The following PAX2 variants were observed in gnomAD, a reference collection of about 807,000 sequenced individuals.
PAX2 encodes the protein paired box 2, also known as paired box protein Pax-2.
PAX2 carries 9 observed loss-of-function variants against 41.7 expected under a neutral mutation model. The ratio of observed to expected loss-of-function variants is 0.22; its 90% CI spans 0.13 to 0.38. The LOEUF is 0.38. PAX2 is among the 10% of genes least tolerant of loss of function. The probability of loss-of-function intolerance (pLI) is 1.00; values close to 1 mark genes in which losing one functional copy is unlikely to be tolerated. For synonymous variants in PAX2, 221 were observed against 212.7 expected (o/e 1.04, Z -0.34); for missense variants, 418 against 531.6 (o/e 0.79, Z 2.10).
intron 3 of PAX2, among the ~76,000 whole-genome samples, chr10:100,770,222 T>C (rs879580783): frequency 6.6e-6 from 1 of 152,132 alleles, no homozygotes; most frequent in Non-Finnish European, 1.5e-5. Context: ...GGGACAGGGT[T>C]GGGGGATGGA....
At chr10:100,812,989 A>G (rs1171319467) in intron 7 of PAX2, among the ~76,000 whole-genome samples, 1 of 152,260 alleles carries the variant, frequency 6.6e-6, no homozygotes, top group Non-Finnish European at 1.5e-5. Flanking sequence ...TAAGTCACAC[A>G]TAAAATACAC....
At position 100,827,786 on chromosome 10, in the gene PAX2, C is replaced by T. The variant is rs1848636498; in HGVS notation, c.*167C>T. The T allele has an allele frequency of 2.0e-6, 2 of 1,023,960 alleles. No homozygotes were observed. The highest frequency in any genetic ancestry group is 3.2e-5 in the African/African-American group (2 of 63,080). 63.4% of individuals were successfully genotyped at this position (1,023,960 alleles called of 1,614,324 possible). A position where few individuals can be genotyped will look rare whatever the true frequency, so the allele number is the denominator to read the frequency against. Reference sequence around the variant, plus strand: ...CCCCCGCAACCCTTCACATCACCCCCCTCGAAGGTCGGACAGGACGGGTGG... The same window carrying T: ...CCCCCGCAACCCTTCACATCACCCCTCTCGAAGGTCGGACAGGACGGGTGG... On this transcript the variant is annotated 3_prime_UTR_variant, in exon 10 of 10. Transcript: ENST00000355243. The surrounding 1 kb of genome is among the most constrained non-coding windows in gnomAD (Gnocchi z 8.5).
Position 100,827,514 on chromosome 10 carries a change from G to T in PAX2, c.1109-29G>T, listed in dbSNP as rs1848617501. The T allele has an allele frequency of 6.2e-7, 1 of 1,609,572 alleles. No individual in the cohort carries two copies. Among genetic ancestry groups the T allele is most frequent in the Non-Finnish European group, 8.5e-7 (1 of 1,175,890 alleles). On this transcript the variant is annotated intron_variant, in intron 9 of 9. Coordinates refer to ENST00000355243, the MANE Select transcript of PAX2 (RefSeq NM_000278.5). The surrounding 1 kb of genome is among the most constrained non-coding windows in gnomAD (Gnocchi z 8.5). ...GTTCTCCTGTTTGTCCTCTCACCCA[G>T]CCCATTCTTCTCCTGTGTTAACTTC...
intron 7 of PAX2, among the ~76,000 whole-genome samples, chr10:100,823,167 G>C (rs1455804076): frequency 6.6e-6 from 1 of 152,178 alleles, no homozygotes; most frequent in African/African-American, 2.4e-5. Context: ...GAGGAAGAAG[G>C]CTATGTCAAG....
At chr10:100,765,776 C>T (rs1291250334) in intron 3 of PAX2, among the ~76,000 whole-genome samples, 1 of 139,582 alleles carries the variant, frequency 7.2e-6, no homozygotes, top group Non-Finnish European at 1.5e-5. Flanking sequence ...TTGCACTTCT[C>T]TGCTTAAAAC....
intron 3 of PAX2, among the ~76,000 whole-genome samples, chr10:100,765,699 C>G (rs1262730550): frequency 6.6e-6 from 1 of 152,140 alleles, no homozygotes; most frequent in Non-Finnish European, 1.5e-5. Context: ...CAATCCCCAG[C>G]CCCTGCCACT....
upstream of PAX2, among the ~76,000 whole-genome samples, chr10:100,742,684 G>A (rs1476053915): frequency 6.6e-6 from 1 of 151,992 alleles, no homozygotes; most frequent in Non-Finnish European, 1.5e-5. Context: ...CCCTAGGTTG[G>A]GGGGTGGAAG....
At chr10:100,788,958 G>A (rs146412939) in intron 5 of PAX2, among the ~76,000 whole-genome samples, 5 of 152,050 alleles carry the variant, frequency 3.3e-5, no homozygotes, top group Admixed American at 1.3e-4. Flanking sequence ...GGGAGAAGGA[G>A]TGTGCTCCCA....
rs777775098 is a variant in PAX2, at chr10:100,824,692, G to A, written c.964G>A (p.Val322Met). ...STTLPGYPPH[V>M]PPTGQGSYPT... is the part of the protein sequence containing the mutation. ...CACTCTGCCTGGTTACCCCCCTCACGTGCCCCCCACTGGCCAGGGAAGCTA... is the reference window on the plus strand; with the variant it reads ...CACTCTGCCTGGTTACCCCCCTCACATGCCCCCCACTGGCCAGGGAAGCTA... Residue 322 changes from valine (V) to methionine (M), a missense_variant, in exon 8 of 10, where the codon GTG becomes ATG. Coordinates refer to ENST00000355243, the MANE Select transcript of PAX2 (RefSeq NM_000278.5). This position sits in a 1 kb window ranked among gnomAD's most constrained non-coding sequence, Gnocchi z 6.6. 1.1e-5 allele frequency: 18 copies of A among 1,611,116 alleles called. No homozygotes were observed. The Admixed American group carries it at 1.3e-4, about 12-fold the overall frequency.
chr10:100,827,489 G>A lies in PAX2; in HGVS notation c.1109-54G>A. ...TTTCTGTGCTTTTCTTTCCTTTTTTGTTCTCCTGTTTGTCCTCTCACCCAG... is the reference window on the plus strand; with the variant it reads ...TTTCTGTGCTTTTCTTTCCTTTTTTATTCTCCTGTTTGTCCTCTCACCCAG... On this transcript the variant is annotated intron_variant, in intron 9 of 9. Coordinates refer to ENST00000355243, the MANE Select transcript of PAX2 (RefSeq NM_000278.5). The surrounding 1 kb of genome is among the most constrained non-coding windows in gnomAD (Gnocchi z 8.5). 1.3e-6 allele frequency: 2 copies of A among 1,566,208 alleles called. No homozygotes were observed. The highest frequency in any genetic ancestry group is 8.8e-7 in the Non-Finnish European group (1 of 1,136,772).
rs892994613 is a variant in PAX2 at position 100,829,715 on chromosome 10, G to GGGGCGGCGA, written c.*2111_*2119dup. 8 of 202,314 alleles carry GGGGCGGCGA rather than the reference G, an allele frequency of 4.0e-5. No individual in the cohort carries two copies. In the South Asian group the frequency reaches 7.6e-4, roughly 19 times the overall value. 12.5% of individuals were successfully genotyped at this position (202,314 alleles called of 1,614,324 possible). A position where few individuals can be genotyped will look rare whatever the true frequency, so the allele number is the denominator to read the frequency against. ...CCAGCCAGGCTCCAGTGGCCCGAAC[G>GGGGCGGCGA]GGGCGGCGAGGGCGGCGAGGGCGCC... On this transcript the variant is annotated 3_prime_UTR_variant, in exon 10 of 10. Transcript: ENST00000355243.
Position 100,824,521 on chromosome 10 carries a change from A to C in PAX2, c.920-127A>C. 1.3e-6 allele frequency: 1 copy of C among 769,966 alleles called. No homozygotes were observed. The highest frequency in any genetic ancestry group is 2.4e-6 in the Non-Finnish European group (1 of 425,308). The allele number at this position is 769,966 out of a possible 1,614,324, so 47.7% of individuals were successfully genotyped here. On this transcript the variant is annotated intron_variant, in intron 7 of 9. Transcript: ENST00000355243. The surrounding 1 kb of genome is among the most constrained non-coding windows in gnomAD (Gnocchi z 6.6). ...CGCATTCAGGTGCACAGTGGCACAC[A>C]TACCCCTGCACGTCTGCACAGAGCT...
chr10:100,770,480 C>T (rs539187760), intron 3 of PAX2, among the ~76,000 whole-genome samples: 1 of 152,318 alleles, frequency 6.6e-6, no homozygotes, highest in African/African-American at 2.4e-5. Flanking sequence ...TAGTTAAACA[C>T]ATTGCCCCTT....
intron 7 of PAX2, among the ~76,000 whole-genome samples, chr10:100,810,163 C>A (rs60276550): frequency 6.6e-6 from 1 of 152,126 alleles, no homozygotes; most frequent in South Asian, 2.1e-4. Flanking sequence ...GCGAGGCAAG[C>A]GGAGGTGGCC....
In PAX2 at chr10:100,829,032, A is replaced by G. The variant is rs1589914123; in HGVS notation, c.*1413A>G. 13 of 188,874 alleles carry G rather than the reference A, an allele frequency of 6.9e-5. No individual in the cohort carries two copies. The East Asian group carries it at 1.0e-3, about 14-fold the overall frequency. The allele number at this position is 188,874 out of a possible 1,614,324, so 11.7% of individuals were successfully genotyped here. A position where few individuals can be genotyped will look rare whatever the true frequency, so the allele number is the denominator to read the frequency against. On this transcript the variant is annotated 3_prime_UTR_variant, in exon 10 of 10. Coordinates refer to ENST00000355243, the MANE Select transcript of PAX2 (RefSeq NM_000278.5). Reference sequence around the variant, plus strand: ...CCGCTCGCTGGGGGGGAAGGGGGGGACACAGCTACACGCCCATTAAAGCAC... The same window carrying G: ...CCGCTCGCTGGGGGGGAAGGGGGGGGCACAGCTACACGCCCATTAAAGCAC...
chr10:100,750,614 C>T lies in PAX2; in HGVS notation c.213-80C>T, dbSNP rs1845404649. On this transcript the variant is annotated intron_variant, in intron 2 of 9. Coordinates refer to ENST00000355243, the MANE Select transcript of PAX2 (RefSeq NM_000278.5). The surrounding 1 kb of genome is among the most constrained non-coding windows in gnomAD (Gnocchi z 4.1). Reference sequence around the variant, plus strand: ...CTGCCTCGGCCGGGCAGGAGAGTGGCTCAGCAGCTCTGGAACCTGCAGCCC... The same window carrying T: ...CTGCCTCGGCCGGGCAGGAGAGTGGTTCAGCAGCTCTGGAACCTGCAGCCC... 6.3e-6 allele frequency: 8 copies of T among 1,274,188 alleles called. No homozygotes were observed. The highest frequency in any genetic ancestry group is 2.0e-4 in the Middle Eastern group (1 of 5,118). 78.9% of individuals were successfully genotyped at this position (1,274,188 alleles called of 1,614,324 possible).
chr10:100,809,271 T>C (rs950665575), intron 7 of PAX2, 35 bp downstream of exon 7: 29 of 1,603,766 alleles, frequency 1.8e-5, no homozygotes, highest in Non-Finnish European at 3.4e-6. Flanking sequence ...GGGCACTGCG[T>C]TCAGTGGAGG....
At position 100,800,075 on chromosome 10, in the gene PAX2, C is replaced by T. The variant is rs182393281; in HGVS notation, c.617-6355C>T. 5.0e-3 allele frequency among the ~76,000 whole-genome samples: 765 copies of T among 151,918 alleles called. 3 individuals carry two copies. Among genetic ancestry groups the T allele is most frequent in the South Asian group, 0.011 (51 of 4,810 alleles). On this transcript the variant is annotated intron_variant, in intron 5 of 9. Transcript: ENST00000355243. ...TGCTGGGATTATAGGAGTGAGCCAC[C>T]GCGCCCGGCCAAAGTTAGTGTAATT...
chr10:100,800,535 A>C (rs1398222232), intron 5 of PAX2, among the ~76,000 whole-genome samples: 1 of 151,988 alleles, frequency 6.6e-6, no homozygotes, highest in African/African-American at 2.4e-5. Flanking sequence ...TCAGCCTCCC[A>C]AAGTGTTGGG....
Sources: gnomAD v4.1 joint callset for allele counts (sites outside exome capture counted in the v4.1 genomes callset) on GRCh38, gnomAD v4.1.1 for gene constraint, Gnocchi (gnomAD v3.1) non-coding constraint, MANE v1.5 for transcripts, NCBI Gene and HGNC (gene_info 2026-07-23, HGNC 2026-07-21) for gene names.